The following VCAM1 variants were observed in gnomAD, a reference collection of about 807,000 sequenced individuals.
VCAM1 encodes the protein vascular cell adhesion protein 1.
A neutral mutation model predicts 63.8 loss-of-function variants in VCAM1; 41 were observed. The observed-to-expected ratio is 0.64, with a 90% CI of 0.50 to 0.83. The LOEUF is 0.83. VCAM1 is among the 40% of genes least tolerant of loss of function. The pLI is 0.00. For synonymous variants in VCAM1, 338 were observed against 320.7 expected (o/e 1.05, Z -0.58); for missense variants, 798 against 875.5 (o/e 0.91, Z 1.12).
chr1:100,722,705 G>A (rs1659996628), intron 2 of VCAM1, among the ~76,000 whole-genome samples: 1 of 152,020 alleles, frequency 6.6e-6, no homozygotes, highest in Admixed American at 6.6e-5. Flanking sequence ...AATCATTCAT[G>A]TTAAATCTAT....
chr1:100,719,764 C>G lies in VCAM1; in HGVS notation c.-97C>G, dbSNP rs149096720. 1.7e-5 allele frequency: 22 copies of G among 1,279,590 alleles called. No homozygotes were observed. The highest frequency in any genetic ancestry group is 2.0e-5 in the Non-Finnish European group (18 of 915,592). The allele number at this position is 1,279,590 out of a possible 1,614,324, so 79.3% of individuals were successfully genotyped here. ...TCCGCGGTATCTGCATCGGGCCTCA[C>G]TGGCTTCAGGAGCTGAATACCCTCC... is the stretch of plus-strand genomic sequence containing the variant. On this transcript the variant is annotated 5_prime_UTR_variant, in exon 1 of 9. Transcript: ENST00000294728.
rs1308546760 is a variant in VCAM1 at position 100,731,302 on chromosome 1, G to C, written c.1309G>C (p.Glu437Gln). Residue 437 changes from glutamate to glutamine, a missense_variant, in exon 6 of 9, where the codon GAG (glutamate) becomes CAG (glutamine). By Grantham distance (29) the Glu-to-Gln change is conservative (BLOSUM62 2). Transcript: ENST00000294728. This position sits in a 1 kb window ranked among gnomAD's most constrained non-coding sequence, Gnocchi z 4.2. ...VPSVYPLDRL[E>Q]IELLKGETIL... is the part of the protein sequence containing the mutation. ...TAGCGTGTACCCCCTTGACCGGCTG[G>C]AGATTGAATTACTTAAGGGGGAGAC... 63 of 1,613,732 alleles carry C rather than the reference G, an allele frequency of 3.9e-5. No individual in the cohort carries two copies. The highest frequency in any genetic ancestry group is 5.1e-5 in the Non-Finnish European group (60 of 1,179,866).
At chr1:100,722,965 G>T (rs1038038067) in intron 2 of VCAM1, 55 bp from the exon 3 acceptor site, 1 of 1,523,632 alleles carries the variant, frequency 6.6e-7, no homozygotes, top group Non-Finnish European at 8.8e-7. Context: ...AGTGGTAAGA[G>T]ACCTTATATC....
chr1:100,720,782 C>T lies in VCAM1; in HGVS notation c.340+31C>T, dbSNP rs752206649. On this transcript the variant is annotated intron_variant, in intron 2 of 8. Transcript: ENST00000294728. ...TGCTTTAGAAAATCTTTGTTTTTCT[C>T]TCAATTTTACTTTAAAATCACTTTT... 1.9e-6 allele frequency: 3 copies of T among 1,555,824 alleles called. No individual in the cohort carries two copies. The South Asian group carries it at 3.7e-5, about 19-fold the overall frequency.
rs371792940 is a variant in VCAM1 at position 100,720,557 on chromosome 1, C to T, written c.146C>T (p.Thr49Ile). 1.2e-6 allele frequency: 2 copies of T among 1,613,256 alleles called. No homozygotes were observed. The highest frequency in any genetic ancestry group is 1.7e-6 in the Non-Finnish European group (2 of 1,179,510). The change falls in exon 2 of 9, where the codon ACC (threonine) becomes ATC (isoleucine). Residue 49 changes from threonine (T) to isoleucine (I), a missense_variant. Physicochemically the swap from Thr to Ile is moderately conservative, Grantham distance 89. Coordinates refer to ENST00000294728, the MANE Select transcript of VCAM1 (RefSeq NM_001078.4). ...IGDSVSLTCS[T>I]TGCESPFFSW... ...GACTCCGTCTCATTGACTTGCAGCA[C>T]CACAGGCTGTGAGTCCCCATTTTTC...
Position 100,732,438 on chromosome 1 carries a change from G to A in VCAM1, c.1546G>A (p.Val516Ile), listed in dbSNP as rs375185009. 2.8e-5 allele frequency: 44 copies of A among 1,581,768 alleles called. No homozygotes were observed. Among genetic ancestry groups the A allele is most frequent in the South Asian group, 1.1e-4 (9 of 85,548 alleles). The change falls in exon 7 of 9, where the codon GTC becomes ATC. Residue 516 changes from valine to isoleucine, a missense_variant. Val to Ile is a conservative substitution (Grantham distance 29, BLOSUM62 3). Transcript: ENST00000294728. The stretch of plus-strand genomic sequence containing the variant: ...TTCAGTTGCCCCCAGAGATACAACC[G>A]TCTTGGTCAGCCCTTCCTCCATCCT... ...YVNVAPRDTT[V>I]LVSPSSILEE... is the part of the protein sequence containing the mutation.
At chr1:100,720,038 T>C (rs1659903475) in intron 1 of VCAM1, 114 bp downstream of exon 1, 2 of 1,122,044 alleles carry the variant, frequency 1.8e-6, no homozygotes, top group East Asian at 2.5e-5. Flanking sequence ...TTTTAAACAG[T>C]AGGAAAAGTT....
chr1:100,720,784 C>T, intron 2 of VCAM1, 33 bp downstream of exon 2: 2 of 1,555,340 alleles, frequency 1.3e-6, no homozygotes, highest in African/African-American at 1.4e-5. Flanking sequence ...GTTTTTCTCT[C>T]AATTTTACTT....
chr1:100,720,056 TCTAA>T, intron 1 of VCAM1, 132 bp downstream of exon 1: 2 of 955,740 alleles, frequency 2.1e-6, no homozygotes, highest in Non-Finnish European at 3.1e-6. Context: ...GTTAATTTAG[TCTAA>T]CTTTTAATAT....
intron 8 of VCAM1, chr1:100,736,769 G>C (rs1002187873): frequency 6.6e-6 from 1 of 152,056 alleles, no homozygotes; most frequent in African/African-American, 2.4e-5. Flanking sequence ...TTATGCTTAG[G>C]GTGAACTGTT....
chr1:100,729,482 A>G, intron 5 of VCAM1, 100 bp downstream of exon 5: 1 of 1,404,846 alleles, frequency 7.1e-7, no homozygotes, highest in East Asian at 2.3e-5. Flanking sequence ...TTATGTTTAG[A>G]AAAGGAATTT....
At chr1:100,726,743 A>G (rs1489206956) in intron 4 of VCAM1, among the ~76,000 whole-genome samples, 2 of 152,118 alleles carry the variant, frequency 1.3e-5, no homozygotes, top group Non-Finnish European at 2.9e-5. Flanking sequence ...TGAAAAAGAT[A>G]TGACAACTGC....
Position 100,731,448 on chromosome 1 carries a change from TAA to T in VCAM1, c.1456_1457del (p.Lys486ValfsTer4). On this transcript the variant is annotated frameshift_variant, in exon 6 of 9. Transcript: ENST00000294728. LOFTEE classifies it high-confidence loss of function. This position sits in a 1 kb window ranked among gnomAD's most constrained non-coding sequence, Gnocchi z 4.2. ...DTGKALVCQA[K>X]LHIDDMEFEP... ...CTGGAAAAGCTCTTGTTTGTCAGGCTAAGTTACATATTGATGACATGGAATTC... is the reference window on the plus strand; with the variant it reads ...CTGGAAAAGCTCTTGTTTGTCAGGCTGTTACATATTGATGACATGGAATTC... The T allele has an allele frequency of 6.2e-7, 1 of 1,613,764 alleles. No homozygotes were observed.
rs757454108 is a variant in VCAM1 at position 100,734,496 on chromosome 1, T to C, written c.1793-6T>C. ...ATCAGGGATGTCTTTTAAATTCTCT[T>C]TACAGTTACTCCAAAAGACATAAAA... is the stretch of plus-strand genomic sequence containing the variant. On this transcript the variant is annotated splice_polypyrimidine_tract_variant and splice_region_variant and intron_variant, in intron 7 of 8. Transcript: ENST00000294728. 1 of 1,607,718 alleles carries C rather than the reference T, an allele frequency of 6.2e-7. No homozygotes were observed. Among genetic ancestry groups the C allele is most frequent in the Admixed American group, 1.7e-5 (1 of 58,646 alleles).
rs1179401380 is a variant in VCAM1 at position 100,732,554 on chromosome 1, G to A, written c.1662G>A (p.Glu554=). 2 of 1,613,298 alleles carry A rather than the reference G, an allele frequency of 1.2e-6. No individual in the cohort carries two copies. Among genetic ancestry groups the A allele is most frequent in the East Asian group, 2.2e-5 (1 of 44,838 alleles). Residue 554 remains glutamate, a synonymous_variant, in exon 7 of 9, where the codon GAG becomes GAA. Transcript: ENST00000294728. Reference sequence around the variant, plus strand: ...GGAGCAGGCAGCTCCCTAACGGGGAGCTACAGCCTCTTTCTGAGAATGCAA... The same window carrying A: ...GGAGCAGGCAGCTCCCTAACGGGGAACTACAGCCTCTTTCTGAGAATGCAA... ...ILWSRQLPNG[E]LQPLSENATL... is the part of the protein sequence containing the mutation.
chr1:100,724,970 A>C, intron 4 of VCAM1, 80 bp downstream of exon 4: 1 of 1,540,452 alleles, frequency 6.5e-7, no homozygotes, highest in Non-Finnish European at 8.8e-7. Context: ...TCAATGCTGA[A>C]ATTGCTTCCC....
chr1:100,729,721 C>A (rs1660361804), intron 5 of VCAM1, among the ~76,000 whole-genome samples: 1 of 151,950 alleles, frequency 6.6e-6, no homozygotes, highest in Non-Finnish European at 1.5e-5. Flanking sequence ...TTCAGCTACT[C>A]CAGTTGGGAA....
Position 100,731,203 on chromosome 1 carries a change from C to G in VCAM1, c.1210C>G (p.Pro404Ala). ...TTTTTGCTTGCGATTTGCAGCATTCCCTAGAGATCCAGAAATCGAGATGAG... is the reference window on the plus strand; with the variant it reads ...TTTTTGCTTGCGATTTGCAGCATTCGCTAGAGATCCAGAAATCGAGATGAG... ...KGIQVELYSF[P>A]RDPEIEMSGG... The change falls in exon 6 of 9, where the codon CCT (proline) becomes GCT (alanine). Residue 404 changes from proline to alanine, a missense_variant. Pro to Ala is a conservative substitution (Grantham distance 27). Transcript: ENST00000294728. This position sits in a 1 kb window ranked among gnomAD's most constrained non-coding sequence, Gnocchi z 4.2. 6.3e-7 allele frequency: 1 copy of G among 1,599,680 alleles called. No individual in the cohort carries two copies. Among genetic ancestry groups the G allele is most frequent in the Non-Finnish European group, 8.5e-7 (1 of 1,173,240 alleles).
At chr1:100,721,449 TCTCCATTCA>T (rs1481712285) in intron 2 of VCAM1, among the ~76,000 whole-genome samples, 3 of 151,994 alleles carry the variant, frequency 2.0e-5, no homozygotes, top group Non-Finnish European at 4.4e-5. Context: ...CCCACTCCAT[TCTCCATTCA>T]GCAAACAAAG....
Sources: allele counts gnomAD v4.1 joint callset (sites outside exome capture counted in the v4.1 genomes callset), GRCh38; gene constraint gnomAD v4.1.1; non-coding constraint Gnocchi (gnomAD v3.1); transcripts MANE v1.5; gene names NCBI Gene and HGNC (gene_info 2026-07-23, HGNC 2026-07-21).